The following M1AP variants were observed in gnomAD, a reference collection of about 807,000 sequenced individuals.
M1AP encodes meiosis 1 arrest protein.
A neutral mutation model predicts 51.2 loss-of-function variants in M1AP; 39 were observed. That is an observed-to-expected ratio of 0.76 (90% CI 0.59 to 1.00). The LOEUF (loss-of-function observed/expected upper bound fraction) is 1.00, where lower values mean the gene tolerates loss of function less well. M1AP is among the 50% of genes least tolerant of loss of function. The pLI, the probability that M1AP is intolerant of heterozygous loss-of-function variation, is 0.00. For missense variants in M1AP, 545 were observed against 641.2 expected, an observed-to-expected ratio of 0.85 and a Z score of 1.62; for synonymous variants, 251 against 249.2, an observed-to-expected ratio of 1.01 and a Z score of -0.07.
At chr2:74,588,787 T>A (rs989615282) in intron 4 of M1AP, among the ~76,000 whole-genome samples, 1 of 152,182 alleles carries the variant, frequency 6.6e-6, no homozygotes, top group South Asian at 2.1e-4. Flanking sequence ...TGTAATGAGA[T>A]AGAGAAAATT....
chr2:74,586,777 G>A (rs1679731806), intron 4 of M1AP, among the ~76,000 whole-genome samples: 1 of 152,108 alleles, frequency 6.6e-6, no homozygotes, highest in African/African-American at 2.4e-5. Context: ...GAGGCGGGCA[G>A]ATCACCTAAA....
chr2:74,577,522 G>A (rs1384712442), intron 5 of M1AP, among the ~76,000 whole-genome samples: 4 of 152,210 alleles, frequency 2.6e-5, no homozygotes, highest in Non-Finnish European at 4.4e-5. Flanking sequence ...AGTGACTTGT[G>A]AAATGACTGT....
intron 2 of M1AP, among the ~76,000 whole-genome samples, chr2:74,621,374 G>A (rs971491441): frequency 2.6e-4 from 39 of 152,228 alleles, no homozygotes; most frequent in African/African-American, 9.1e-4. Flanking sequence ...GATCCAGCCG[G>A]GCCTCTGTCA....
At chr2:74,609,868 T>G (rs2104714535) in intron 3 of M1AP, among the ~76,000 whole-genome samples, 1 of 152,344 alleles carries the variant, frequency 6.6e-6, no homozygotes, top group Admixed American at 6.5e-5. Flanking sequence ...TTGAGAAATG[T>G]TTATTCAGCT....
chr2:74,634,092 CAT>C (rs1464011067), intron 2 of M1AP, among the ~76,000 whole-genome samples: 4 of 152,066 alleles, frequency 2.6e-5, no homozygotes, highest in Non-Finnish European at 5.9e-5. Context: ...AATAAGCAAA[CAT>C]ATTAGGATAA....
chr2:74,586,741 C>T (rs1009955770), intron 4 of M1AP, among the ~76,000 whole-genome samples: 6 of 152,194 alleles, frequency 3.9e-5, no homozygotes, highest in Admixed American at 3.3e-4. Flanking sequence ...TGGCTCACGC[C>T]TGTAATCCCA....
At chr2:74,638,058 CTTT>C (rs879482436) in intron 2 of M1AP, among the ~76,000 whole-genome samples, 3 of 143,800 alleles carry the variant, frequency 2.1e-5, no homozygotes, top group Non-Finnish European at 4.6e-5. Context: ...TGGGACAATT[CTTT>C]TTTTTTTTTT....
At chr2:74,577,292 T>C (rs895475844) in intron 5 of M1AP, among the ~76,000 whole-genome samples, 1 of 152,242 alleles carries the variant, frequency 6.6e-6, no homozygotes, top group African/African-American at 2.4e-5. Context: ...ATGCTTAGGC[T>C]AGGTAGGAGT....
At chr2:74,630,640 T>C (rs1025997161) in intron 2 of M1AP, among the ~76,000 whole-genome samples, 2 of 152,196 alleles carry the variant, frequency 1.3e-5, no homozygotes, top group African/African-American at 2.4e-5. Context: ...GCTTCCTCCA[T>C]GTCCCTGCAA....
At chr2:74,634,012 A>G (rs1682839069) in intron 2 of M1AP, among the ~76,000 whole-genome samples, 1 of 152,242 alleles carries the variant, frequency 6.6e-6, no homozygotes, top group Non-Finnish European at 1.5e-5. Flanking sequence ...AATAAAATCT[A>G]AAATACTTTT....
chr2:74,635,747 A>G (rs1682954924), intron 2 of M1AP, among the ~76,000 whole-genome samples: 1 of 152,106 alleles, frequency 6.6e-6, no homozygotes. Flanking sequence ...TGGATTATTT[A>G]GAAGTGTGTT....
Position 74,640,284 on chromosome 2 carries a change from A to T in M1AP, c.-9T>A. 1 of 1,613,972 alleles carries T rather than the reference A, an allele frequency of 6.2e-7. No homozygotes were observed. The highest frequency in any genetic ancestry group is 8.5e-7 in the Non-Finnish European group (1 of 1,179,928). On this transcript the variant is annotated 5_prime_UTR_variant, in exon 2 of 11. Transcript: ENST00000421985. The stretch of plus-strand genomic sequence containing the variant: ...GTTCGCCCAGGATGCATGGCAGCAA[A>T]ACCAGAGGGGGAACTGTAGCCACCA...
chr2:74,628,724 TGAC>T (rs1034970841), intron 2 of M1AP: 2 of 603,724 alleles, frequency 3.3e-6, no homozygotes, highest in African/African-American at 3.8e-5. Flanking sequence ...AAAAGTCACA[TGAC>T]AACAACAAGA....
At chr2:74,572,070 T>C (rs1163362078) in intron 7 of M1AP, among the ~76,000 whole-genome samples, 1 of 151,852 alleles carries the variant, frequency 6.6e-6, no homozygotes, top group East Asian at 1.9e-4. Context: ...GTCTTTAATC[T>C]AGATGAGGTG....
At chr2:74,561,166 GAGA>G (rs1275979713) in intron 8 of M1AP, among the ~76,000 whole-genome samples, 37 of 115,934 alleles carry the variant, frequency 3.2e-4, no homozygotes, top group African/African-American at 6.2e-4. Context: ...GGAGGAGGAG[GAGA>G]AGGAGGAGGA....
rs746897740 is a variant in M1AP, at chr2:74,581,774, G to A, written c.669C>T (p.Phe223=). The A allele has an allele frequency of 3.7e-6, 6 of 1,613,928 alleles. No individual in the cohort carries two copies. Among genetic ancestry groups the A allele is most frequent in the Non-Finnish European group, 4.2e-6 (5 of 1,179,918 alleles). The change falls in exon 5 of 11, where the codon TTC becomes TTT. Residue 223 remains phenylalanine (F), a synonymous_variant. Transcript: ENST00000421985. ...TTCCACTGTTATGTAGCCAGGCTTT[G>A]AAGAAAATCTCCATGCTGACGATAT... is the stretch of plus-strand genomic sequence containing the variant. ...DNDIVSMEIF[F]KAWLHNSGTD... is the part of the protein sequence containing the mutation.
intron 4 of M1AP, among the ~76,000 whole-genome samples, chr2:74,582,760 C>T (rs773411966): frequency 2.7e-4 from 41 of 152,120 alleles, no homozygotes; most frequent in Non-Finnish European, 5.1e-4. Flanking sequence ...GTGGCTCACA[C>T]CTGTAATCCC....
At chr2:74,561,133 GAGGAGGAGA>G (rs1558643710) in intron 8 of M1AP, among the ~76,000 whole-genome samples, 62 of 74,508 alleles carry the variant, frequency 8.3e-4, no homozygotes, top group African/African-American at 2.4e-3. Flanking sequence ...GGAGAAGGAG[GAGGAGGAGA>G]AGGAGGAGGA....
chr2:74,609,172 T>A (rs1193770383), intron 3 of M1AP, among the ~76,000 whole-genome samples: 2 of 152,160 alleles, frequency 1.3e-5, no homozygotes, highest in African/African-American at 4.8e-5. Context: ...TCCTCCTAAT[T>A]GTAACTTTGC....
Sources: allele counts gnomAD v4.1 joint callset (sites outside exome capture counted in the v4.1 genomes callset), GRCh38; gene constraint gnomAD v4.1.1; transcripts MANE v1.5; gene names NCBI Gene and HGNC (gene_info 2026-07-23, HGNC 2026-07-21).